The following REG1A variants were observed in gnomAD, a reference collection of about 807,000 sequenced individuals.
REG1A encodes the protein regenerating family member 1 alpha.
REG1A carries 20 observed loss-of-function variants against 20.7 expected under a neutral mutation model. That is an observed-to-expected ratio of 0.97 (90% CI 0.68 to 1.41). REG1A has a LOEUF of 1.41. Ranked by LOEUF, REG1A falls within the 40% of genes most tolerant of loss-of-function variation. The pLI, the probability that REG1A is intolerant of heterozygous loss-of-function variation, is 0.00. For missense variants in REG1A, 193 were observed against 201.8 expected (o/e 0.96, Z 0.26); for synonymous variants, 90 against 71.6 (o/e 1.26, Z -1.30).
At chr2:79,120,747 G>A (rs1374988060) in intron 1 of REG1A, 69 bp from the exon 2 acceptor site, 2 of 695,898 alleles carry the variant, frequency 2.9e-6, no homozygotes, top group African/African-American at 1.8e-5. Context: ...CTGAGAGGAG[G>A]TTTTAAGGAA....
rs537896247 is a variant in REG1A at position 79,122,264 on chromosome 2, G to T, written c.321+139G>T. On this transcript the variant is annotated intron_variant, in intron 4 of 5. Coordinates refer to ENST00000233735, the MANE Select transcript of REG1A (RefSeq NM_002909.5). ...TACAGATCCTCTAATGTCCTGTGTA[G>T]CAAGGTGCACTGTAGATGATTGGAG... 1.7e-3 allele frequency: 1,453 copies of T among 848,310 alleles called. 4 individuals carry two copies. The highest frequency in any genetic ancestry group is 2.2e-3 in the Non-Finnish European group (1,235 of 553,618). 52.5% of individuals were successfully genotyped at this position (848,310 alleles called of 1,614,324 possible). A position where few individuals can be genotyped will look rare whatever the true frequency, so the allele number is the denominator to read the frequency against.
chr2:79,122,291 T>C (rs966380721), intron 4 of REG1A, 166 bp downstream of exon 4: 2 of 657,810 alleles, frequency 3.0e-6, no homozygotes, highest in Non-Finnish European at 5.0e-6. Flanking sequence ...TGATTGGAGA[T>C]ATAAGTGGAA....
chr2:79,120,916 C>A lies in REG1A; in HGVS notation c.55C>A (p.Gln19Lys). Reference sequence around the variant, plus strand: ...GATCTCCTGCCTGATGTTTCTGTCTCAGAGCCAAGGTAAGATCTCTTTTCC... The same window carrying A: ...GATCTCCTGCCTGATGTTTCTGTCTAAGAGCCAAGGTAAGATCTCTTTTCC... Reference protein sequence around the residue: ...MLISCLMFLSQSQGQEAQTEL... With the variant: ...MLISCLMFLSKSQGQEAQTEL... The change falls in exon 2 of 6, where the codon CAG (glutamine) becomes AAG (lysine). Residue 19 changes from glutamine to lysine, a missense_variant. Gln to Lys is a moderately conservative substitution (Grantham distance 53, BLOSUM62 1). Coordinates refer to ENST00000233735, the MANE Select transcript of REG1A (RefSeq NM_002909.5). 6.2e-7 allele frequency: 1 copy of A among 1,612,890 alleles called. No homozygotes were observed. Among genetic ancestry groups the A allele is most frequent in the Admixed American group, 1.7e-5 (1 of 59,906 alleles).
Position 79,123,280 on chromosome 2 carries a change from G to A in REG1A, c.*65G>A, listed in dbSNP as rs553565249. ...TTACAACGGAGTCAAAAATTAAACC[G>A]GACCATCTCTCCAACTCAACTCAAC... On this transcript the variant is annotated 3_prime_UTR_variant, in exon 6 of 6. Coordinates refer to ENST00000233735, the MANE Select transcript of REG1A (RefSeq NM_002909.5). 1.0e-4 allele frequency: 106 copies of A among 1,040,778 alleles called. 2 individuals are homozygous for A. The South Asian group carries it at 1.3e-3, about 13-fold the overall frequency. The allele number at this position is 1,040,778 out of a possible 1,614,324, so 64.5% of individuals were successfully genotyped here. A position where few individuals can be genotyped will look rare whatever the true frequency, so the allele number is the denominator to read the frequency against.
chr2:79,120,706 G>A (rs956777695), intron 1 of REG1A, 110 bp from the exon 2 acceptor site: 5 of 476,904 alleles, frequency 1.0e-5, no homozygotes, highest in Admixed American at 3.8e-5. Flanking sequence ...AGGTGTGGGT[G>A]TCTCAGAGGA....
intron 2 of REG1A, among the ~76,000 whole-genome samples, 156 bp downstream of exon 2, chr2:79,121,081 A>G (rs1352222542): frequency 1.3e-5 from 2 of 151,714 alleles, no homozygotes; most frequent in Non-Finnish European, 2.9e-5. Flanking sequence ...ATCTCTTCAC[A>G]TTTATATACA....
At chr2:79,120,765 G>T in intron 1 of REG1A, 51 bp from the exon 2 acceptor site, 1 of 909,114 alleles carries the variant, frequency 1.1e-6, no homozygotes, top group Non-Finnish European at 1.6e-6. Context: ...GAAGGTAATA[G>T]GTGCTTTGCT....
chr2:79,123,180 G>T lies in REG1A; in HGVS notation c.466G>T (p.Asp156Tyr), dbSNP rs1672913690. 1 of 1,613,056 alleles carries T rather than the reference G, an allele frequency of 6.2e-7. No individual in the cohort carries two copies. The highest frequency in any genetic ancestry group is 8.5e-7 in the Non-Finnish European group (1 of 1,179,314). Residue 156 changes from aspartate (D) to tyrosine (Y), a missense_variant, in exon 6 of 6, where the codon GAC (aspartate) becomes TAC (tyrosine). Asp to Tyr is a radical substitution (Grantham distance 160). Coordinates refer to ENST00000233735, the MANE Select transcript of REG1A (RefSeq NM_002909.5). Reference protein sequence around the residue: ...FQKWKDVPCEDKFSFVCKFKN With the variant: ...FQKWKDVPCEYKFSFVCKFKN The stretch of plus-strand genomic sequence containing the variant: ...GAAATGGAAGGATGTGCCTTGTGAA[G>T]ACAAGTTCTCCTTTGTCTGCAAGTT...
At position 79,121,985 on chromosome 2, in the gene REG1A, C is replaced by G; in HGVS notation, c.184-3C>G. ...CTGAGTGCTCCATTTTCTTCTGCAA[C>G]AGCTCTATTGCCAGAACATGAATTC... On this transcript the variant is annotated splice_region_variant and splice_polypyrimidine_tract_variant and intron_variant, in intron 3 of 5. Coordinates refer to ENST00000233735, the MANE Select transcript of REG1A (RefSeq NM_002909.5). 13 of 1,613,502 alleles carry G rather than the reference C, an allele frequency of 8.1e-6. No homozygotes were observed. The highest frequency in any genetic ancestry group is 1.1e-5 in the Non-Finnish European group (13 of 1,179,746).
At chr2:79,123,032 G>C in intron 5 of REG1A, 80 bp downstream of exon 5, 1 of 1,462,436 alleles carries the variant, frequency 6.8e-7, no homozygotes, top group Non-Finnish European at 9.6e-7. Flanking sequence ...TGGGATAGAG[G>C]AAAGGTGAAC....
In REG1A at chr2:79,122,058, C is replaced by T. The variant is rs779383364; in HGVS notation, c.254C>T (p.Ala85Val). 6.2e-7 allele frequency: 1 copy of T among 1,614,038 alleles called. No homozygotes were observed. The highest frequency in any genetic ancestry group is 8.5e-7 in the Non-Finnish European group (1 of 1,179,986). Residue 85 changes from alanine (A) to valine (V), a missense_variant, in exon 4 of 6, where the codon GCC becomes GTC. By Grantham distance (64) the Ala-to-Val change is moderately conservative. Coordinates refer to ENST00000233735, the MANE Select transcript of REG1A (RefSeq NM_002909.5). ...ACCCAGGCCGAGGGTGCCTTTGTGG[C>T]CTCACTGATTAAGGAGAGTGGCACT... ...VLTQAEGAFVASLIKESGTDD... is the reference protein window; with the variant it reads ...VLTQAEGAFVVSLIKESGTDD...
chr2:79,122,992 C>G (rs780991630), intron 5 of REG1A, 40 bp downstream of exon 5: 2 of 1,558,798 alleles, frequency 1.3e-6, no homozygotes, highest in Non-Finnish European at 8.8e-7. Flanking sequence ...TCTGTTCTCT[C>G]CTGCTTAGCT....
chr2:79,122,049 C>T lies in REG1A; in HGVS notation c.245C>T (p.Ala82Val), dbSNP rs1197225004. The T allele has an allele frequency of 6.2e-7, 1 of 1,614,076 alleles. No homozygotes were observed. The highest frequency in any genetic ancestry group is 1.1e-5 in the South Asian group (1 of 91,082). ...LVSVLTQAEGAFVASLIKESG... is the reference protein window; with the variant it reads ...LVSVLTQAEGVFVASLIKESG... ...TCTGTGCTCACCCAGGCCGAGGGTG[C>T]CTTTGTGGCCTCACTGATTAAGGAG... The change falls in exon 4 of 6, where the codon GCC becomes GTC. Residue 82 changes from alanine (A) to valine (V), a missense_variant. Physicochemically the swap from Ala to Val is moderately conservative, Grantham distance 64. Coordinates refer to ENST00000233735, the MANE Select transcript of REG1A (RefSeq NM_002909.5).
chr2:79,120,658 G>T, intron 1 of REG1A, 144 bp downstream of exon 1: 1 of 415,042 alleles, frequency 2.4e-6, no homozygotes, highest in Non-Finnish European at 4.3e-6. Context: ...TTCAGTTACT[G>T]AGTCTGTATA....
chr2:79,122,156 A>G (rs754574274), intron 4 of REG1A, 31 bp downstream of exon 4: 1 of 1,610,984 alleles, frequency 6.2e-7, no homozygotes, highest in East Asian at 2.2e-5. Flanking sequence ...TCTCCTAATG[A>G]TCAGGTTTGA....
In REG1A at chr2:79,123,047, C is replaced by T. The variant is rs551021992; in HGVS notation, c.433+95C>T. 3.3e-5 allele frequency: 47 copies of T among 1,435,350 alleles called. No individual in the cohort carries two copies. The East Asian group carries it at 6.0e-4, about 18-fold the overall frequency. 88.9% of individuals were successfully genotyped at this position (1,435,350 alleles called of 1,614,324 possible). The stretch of plus-strand genomic sequence containing the variant: ...TGGGATAGAGGAAAGGTGAACTCCT[C>T]ATTAAGGAAATGGATGTTTGGTTTT... On this transcript the variant is annotated intron_variant, in intron 5 of 5. Transcript: ENST00000233735.
intron 4 of REG1A, 83 bp from the exon 5 acceptor site, chr2:79,122,758 T>C (rs754880627): frequency 2.1e-5 from 18 of 877,674 alleles, no homozygotes; most frequent in Non-Finnish European, 2.1e-5. Flanking sequence ...TGTCTTAGCA[T>C]GTTTCTGAGT....
In REG1A at chr2:79,121,335, A is replaced by C. The variant is rs1408810331; in HGVS notation, c.65-227A>C. On this transcript the variant is annotated intron_variant, in intron 2 of 5. Transcript: ENST00000233735. Reference sequence around the variant, plus strand: ...GTAGAAGAGCCTGAGCTCCAGACATAAAAGGGAAACTGGAGACTTGTTTCT... The same window carrying C: ...GTAGAAGAGCCTGAGCTCCAGACATCAAAGGGAAACTGGAGACTTGTTTCT... Among the ~76,000 whole-genome samples the C allele has an allele frequency of 2.0e-5, 3 of 152,230 alleles. No homozygotes were observed. The East Asian group carries it at 5.8e-4, about 29-fold the overall frequency.
rs756208447 is a variant in REG1A, at chr2:79,121,634, A to G, written c.137A>G (p.Tyr46Cys). 8.7e-6 allele frequency: 14 copies of G among 1,613,826 alleles called. No individual in the cohort carries two copies. Among genetic ancestry groups the G allele is most frequent in the Non-Finnish European group, 1.2e-5 (14 of 1,179,986 alleles). Residue 46 changes from tyrosine to cysteine, a missense_variant, in exon 3 of 6, where the codon TAC becomes TGC. Tyr to Cys is a radical substitution (Grantham distance 194). Transcript: ENST00000233735. Reference protein sequence around the residue: ...CPEGTNAYRSYCYYFNEDRET... With the variant: ...CPEGTNAYRSCCYYFNEDRET... ...GAAGGCACCAATGCCTATCGCTCCT[A>G]CTGCTACTACTTTAATGAAGACCGT...
Sources: gnomAD v4.1 joint callset for allele counts (sites outside exome capture counted in the v4.1 genomes callset) on GRCh38, gnomAD v4.1.1 for gene constraint, MANE v1.5 for transcripts, NCBI Gene and HGNC (gene_info 2026-07-23, HGNC 2026-07-21) for gene names.